COL6A5: variants seen among roughly 807,000 people sequenced by gnomAD.
The protein encoded by COL6A5 is collagen alpha-5(VI) chain.
Under a neutral mutation model 65.6 loss-of-function variants are expected in COL6A5, and 48 were observed. The observed-to-expected ratio is 0.73, with a 90% CI of 0.58 to 0.93. The LOEUF (loss-of-function observed/expected upper bound fraction) is 0.93. Among genes scored for constraint, COL6A5 ranks in the 40% least tolerant of loss-of-function variants. COL6A5 has a pLI of 0.00. For missense variants in COL6A5, 914 were observed against 928.3 expected, an observed-to-expected ratio of 0.98 and a Z score of 0.20; for synonymous variants, 291 against 322.8, an observed-to-expected ratio of 0.90 and a Z score of 1.05.
At chr3:130,426,533 G>A (rs534267937), upstream of COL6A5, 18 of 918,710 alleles carry the variant, frequency 2.0e-5, no homozygotes, top group Middle Eastern at 2.1e-4. Context: ...AAGCTTGTCT[G>A]GAGTGCCTAC....
chr3:130,349,652 T>C lies in COL6A5; in HGVS notation c.-29+3671T>C, dbSNP rs183525458. Among the ~76,000 whole-genome samples, 4 of 152,292 alleles carry C rather than the reference T, an allele frequency of 2.6e-5. No individual in the cohort carries two copies. In the East Asian group the frequency reaches 7.7e-4, roughly 29 times the overall value. On this transcript the variant is annotated intron_variant and NMD_transcript_variant, in intron 1 of 41. Transcript: ENST00000312481. ...AATTCATAGATAACTAATTTATAAT[T>C]TTCTTATATTTTAATCACCAATTAT...
chr3:130,421,544 G>A (rs1421349192), intron 27 of COL6A5, among the ~76,000 whole-genome samples, 184 bp downstream of exon 27: 1 of 152,070 alleles, frequency 6.6e-6, no homozygotes. Flanking sequence ...GGAAAAGATT[G>A]TTCTGTCCAT....
chr3:130,406,226 T>G, intron 16 of COL6A5, 42 bp from the exon 17 acceptor site: 1 of 1,546,034 alleles, frequency 6.5e-7, no homozygotes, highest in Non-Finnish European at 8.8e-7. Flanking sequence ...GTTGCTAAAA[T>G]TTTTTTTAAG....
At chr3:130,457,662 T>C (rs1249217892) in intron 5 of COL6A5, among the ~76,000 whole-genome samples, 2 of 152,094 alleles carry the variant, frequency 1.3e-5, no homozygotes, top group African/African-American at 4.8e-5. Context: ...GACAGAAGGA[T>C]AATGTGTATT....
intron 7 of COL6A5, among the ~76,000 whole-genome samples, chr3:130,479,812 C>T (rs1017826492): frequency 5.3e-5 from 8 of 151,994 alleles, no homozygotes; most frequent in Admixed American, 1.3e-4. Context: ...CTTTTCCAAA[C>T]ATTTTAGTTT....
At chr3:130,466,965 A>G (rs756399009) in intron 5 of COL6A5, among the ~76,000 whole-genome samples, 2 of 152,006 alleles carry the variant, frequency 1.3e-5, no homozygotes, top group Non-Finnish European at 2.9e-5. Context: ...AAATCTTCCC[A>G]TAAAGAAAAC....
At chr3:130,408,339 T>C (rs1471112480) in intron 17 of COL6A5, among the ~76,000 whole-genome samples, 2 of 151,958 alleles carry the variant, frequency 1.3e-5, no homozygotes, top group African/African-American at 2.4e-5. Context: ...CTTATGTAGT[T>C]GTAGATAAGG....
At chr3:130,478,273 A>G (rs1710147289) in intron 7 of COL6A5, among the ~76,000 whole-genome samples, 3 of 152,234 alleles carry the variant, frequency 2.0e-5, no homozygotes, top group South Asian at 4.1e-4. Context: ...ATGATAACAA[A>G]TGATATCAGA....
chr3:130,476,435 C>T (rs540216619), intron 7 of COL6A5, among the ~76,000 whole-genome samples: 20 of 152,202 alleles, frequency 1.3e-4, no homozygotes, highest in Admixed American at 1.2e-3. Flanking sequence ...TTAAAAATTA[C>T]TCACAGGAAA....
At chr3:130,410,124 A>T (rs1022014972) in intron 19 of COL6A5, 50 bp downstream of exon 19, 17 of 1,341,184 alleles carry the variant, frequency 1.3e-5, no homozygotes, top group Non-Finnish European at 1.7e-5. Flanking sequence ...TTATTGATCC[A>T]AGTAAATTTA....
At chr3:130,450,466 AC>A (rs1481361982) in intron 4 of COL6A5, among the ~76,000 whole-genome samples, 2 of 152,082 alleles carry the variant, frequency 1.3e-5, no homozygotes, top group African/African-American at 4.8e-5. Flanking sequence ...AATTAGTGGG[AC>A]CAGTTTGGTT....
At chr3:130,379,004 G>T (rs554134333) in intron 3 of COL6A5, among the ~76,000 whole-genome samples, 6 of 152,226 alleles carry the variant, frequency 3.9e-5, no homozygotes, top group Non-Finnish European at 7.4e-5. Context: ...GGTGGCAGTG[G>T]TAAAGGTAGC....
intron 4 of COL6A5, among the ~76,000 whole-genome samples, chr3:130,445,887 T>G (rs145469628): frequency 6.6e-6 from 1 of 152,158 alleles, no homozygotes; most frequent in Non-Finnish European, 1.5e-5. Flanking sequence ...TATTACTGCA[T>G]GTGAGTTAAC....
At chr3:130,484,769 T>C in exon 8 of COL6A5, 1 of 398,920 alleles carries the variant, frequency 2.5e-6, no homozygotes, top group Non-Finnish European at 4.4e-6. Flanking sequence ...ACAGATACTC[T>C]ATATGACCAG....
rs79209692 is a variant in COL6A5, at chr3:130,379,414, A to G, written c.668-4A>G. Reference sequence around the variant, plus strand: ...TAATCCTCACACATTTTCTGTCTGCATAGTTCACTTCCCCATATCCTGTCA... The same window carrying G: ...TAATCCTCACACATTTTCTGTCTGCGTAGTTCACTTCCCCATATCCTGTCA... On this transcript the variant is annotated splice_region_variant and splice_polypyrimidine_tract_variant and intron_variant and NMD_transcript_variant, in intron 3 of 41. Coordinates refer to the COL6A5 transcript ENST00000312481. The G allele has an allele frequency of 2.0e-3, 3,123 of 1,549,170 alleles. 61 individuals carry two copies. The African/African-American group carries it at 0.037, about 18-fold the overall frequency.
At chr3:130,363,567 C>T (rs1257958628) in intron 1 of COL6A5, among the ~76,000 whole-genome samples, 1 of 152,166 alleles carries the variant, frequency 6.6e-6, no homozygotes, top group Non-Finnish European at 1.5e-5. Context: ...AGGTTGAGTT[C>T]TGGTGAAATA....
chr3:130,453,290 T>G (rs1050035570), intron 4 of COL6A5, among the ~76,000 whole-genome samples: 4 of 152,118 alleles, frequency 2.6e-5, no homozygotes, highest in African/African-American at 7.2e-5. Flanking sequence ...CATAAGAAAT[T>G]ATAAAAGTAT....
intron 4 of COL6A5, among the ~76,000 whole-genome samples, chr3:130,448,516 ATT>A (rs1400047798): frequency 6.6e-6 from 1 of 152,148 alleles, no homozygotes; most frequent in African/African-American, 2.4e-5. Context: ...GGTCGAATGC[ATT>A]GTTTATCGAC....
chr3:130,400,925 C>A, intron 10 of COL6A5, 106 bp from the exon 11 acceptor site: 1 of 941,110 alleles, frequency 1.1e-6, no homozygotes, highest in Non-Finnish European at 1.5e-6. Context: ...GTTTTTTTCC[C>A]CTTTTCAATT....
Sources: allele counts gnomAD v4.1 joint callset (sites outside exome capture counted in the v4.1 genomes callset), GRCh38; gene constraint gnomAD v4.1.1; transcripts MANE v1.5; gene names NCBI Gene and HGNC (gene_info 2026-07-23, HGNC 2026-07-21).